The following PRAM1 variants were observed in gnomAD, a reference collection of about 807,000 sequenced individuals.
PRAM1 encodes the protein PML-RARA-regulated adapter molecule 1.
In PRAM1, 41 loss-of-function variants were observed where a neutral mutation model predicts 55.3. The observed-to-expected ratio is 0.74, with a 90% CI of 0.58 to 0.96. The LOEUF is 0.96. Among genes scored for constraint, PRAM1 ranks in the 40% least tolerant of loss-of-function variants. The probability of loss-of-function intolerance (pLI) is 0.00; values close to 1 mark genes in which losing one functional copy is unlikely to be tolerated. For missense variants in PRAM1, 898 were observed against 892.7 expected (o/e 1.01, Z -0.08); for synonymous variants, 401 against 387.1 (o/e 1.04, Z -0.42).
At position 8,496,328 on chromosome 19, in the gene PRAM1, C is replaced by T. The variant is rs192463115; in HGVS notation, c.1576+1436G>A. ...ACTTGGGAGGCTGAGGCAGGAGAAT[C>T]GCTTGAATCCAAGAGGCAGAGGTTG... is the stretch of plus-strand genomic sequence containing the variant. On this transcript the variant is annotated intron_variant, in intron 4 of 9. Coordinates refer to ENST00000423345, the MANE Select transcript of PRAM1 (RefSeq NM_032152.5). Among the ~76,000 whole-genome samples the T allele has an allele frequency of 9.9e-5, 15 of 152,024 alleles. No individual in the cohort carries two copies. The South Asian group carries it at 1.0e-3, about 11-fold the overall frequency.
In PRAM1 at chr19:8,502,633, G is replaced by T. The variant is rs1379073879; in HGVS notation, c.-42C>A. The T allele has an allele frequency of 5.2e-6, 8 of 1,539,382 alleles. No individual in the cohort carries two copies. The highest frequency in any genetic ancestry group is 2.0e-5 in the Admixed American group (1 of 50,354). ...GAGCTGGGGCCGCTGCCTTCAGGAA[G>T]TGACTGTGGCTTCTGCTCCACGGTC... On this transcript the variant is annotated 5_prime_UTR_variant, in exon 1 of 10. Transcript: ENST00000423345.
Position 8,490,289 on chromosome 19 carries a change from C to CCCGGGGAATCG in PRAM1, c.1975+38_1975+48dup. On this transcript the variant is annotated intron_variant, in intron 9 of 9. Transcript: ENST00000423345. The surrounding 1 kb of genome is among the most constrained non-coding windows in gnomAD (Gnocchi z 7.3). ...CAGAAGCCCAATAGTGAGCAGCGCC[C>CCCGGGGAATCG]CCGGGGAATCGCCAGGGTCCCTCCA... The CCCGGGGAATCG allele has an allele frequency of 6.2e-7, 1 of 1,613,826 alleles. No homozygotes were observed. Among genetic ancestry groups the CCCGGGGAATCG allele is most frequent in the Non-Finnish European group, 8.5e-7 (1 of 1,179,818 alleles).
In PRAM1 at chr19:8,498,460, G is replaced by A; in HGVS notation, c.1348C>T (p.Leu450=). ...GGGGGCTTGGCTGGAGGGTGTCCCA[G>A]GCTGCTGGCAGGGGGCAGAGGCCTC... ...RRRPLPPASS[L]GHPPAKPPLP... The change falls in exon 2 of 10, where the codon CTG becomes TTG. Residue 450 remains leucine (L), a synonymous_variant. Coordinates refer to ENST00000423345, the MANE Select transcript of PRAM1 (RefSeq NM_032152.5). 6.3e-7 allele frequency: 1 copy of A among 1,585,672 alleles called. No individual in the cohort carries two copies. The highest frequency in any genetic ancestry group is 8.6e-7 in the Non-Finnish European group (1 of 1,165,868).
rs998430217 is a variant in PRAM1 at position 8,493,256 on chromosome 19, TCC to T, written c.1577-2101_1577-2100del. Among the ~76,000 whole-genome samples, 15 of 152,134 alleles carry T rather than the reference TCC, an allele frequency of 9.9e-5. No homozygotes were observed. The highest frequency in any genetic ancestry group is 9.8e-4 in the Admixed American group (15 of 15,278). On this transcript the variant is annotated intron_variant, in intron 4 of 9. Transcript: ENST00000423345. This position sits in a 1 kb window ranked among gnomAD's most constrained non-coding sequence, Gnocchi z 4.1. ...TGTCCTTTCCGAATGGCTCAAAGTA[TCC>T]CGCCGGACATTTCAGGCCTGTAGTC...
At position 8,498,617 on chromosome 19, in the gene PRAM1, C is replaced by T. The variant is rs771179009; in HGVS notation, c.1191G>A (p.Val397=). The change falls in exon 2 of 10, where the codon GTG becomes GTA. Residue 397 remains valine (V), a synonymous_variant. Transcript: ENST00000423345. The part of the protein sequence containing the change: ...SASESSLPAA[V]AGFSSRHPLS... The stretch of plus-strand genomic sequence containing the variant: ...GCGGGTGCCGGGAGCTGAAGCCGGC[C>T]ACGGCCGCAGGCAGTGAGCTCTCGG... 6.2e-7 allele frequency: 1 copy of T among 1,612,582 alleles called. No homozygotes were observed. Among genetic ancestry groups the T allele is most frequent in the South Asian group, 1.1e-5 (1 of 91,034 alleles).
chr19:8,492,678 C>T (rs1971646370), intron 4 of PRAM1, among the ~76,000 whole-genome samples: 1 of 152,076 alleles, frequency 6.6e-6, no homozygotes, highest in Admixed American at 6.5e-5. Flanking sequence ...TGTTCCATTG[C>T]ACAGGAGGGC....
chr19:8,498,857 G>A lies in PRAM1; in HGVS notation c.951C>T (p.Leu317=), dbSNP rs1158213436. 1 of 1,609,046 alleles carries A rather than the reference G, an allele frequency of 6.2e-7. No individual in the cohort carries two copies. ...GCTCGGGCTGCGGGGGCTTCTTGGAGAGCGCTTTGAATTCGGCCGGCCGCG... is the reference window on the plus strand; with the variant it reads ...GCTCGGGCTGCGGGGGCTTCTTGGAAAGCGCTTTGAATTCGGCCGGCCGCG... ...KRPRPAEFKA[L]SKKPPQPELG... is the part of the protein sequence containing the mutation. Residue 317 remains leucine, a synonymous_variant, in exon 2 of 10, where the codon CTC becomes CTT. Transcript: ENST00000423345.
Position 8,490,356 on chromosome 19 carries a change from C to A in PRAM1, c.1957G>T (p.Asp653Tyr), listed in dbSNP as rs1459822360. The A allele has an allele frequency of 6.2e-7, 1 of 1,614,006 alleles. No individual in the cohort carries two copies. Among genetic ancestry groups the A allele is most frequent in the East Asian group, 2.2e-5 (1 of 44,872 alleles). Reference protein sequence around the residue: ...ALLPLETEVYDDVDFCDPLEN... With the variant: ...ALLPLETEVYYDVDFCDPLEN... ...CACGTACCGCAGAAGTCGACATCATCGTACACCTCCGTCTCCCTGGCAGAG... is the reference window on the plus strand; with the variant it reads ...CACGTACCGCAGAAGTCGACATCATAGTACACCTCCGTCTCCCTGGCAGAG... The change falls in exon 9 of 10, where the codon GAT (aspartate) becomes TAT (tyrosine). Residue 653 changes from aspartate (D) to tyrosine (Y), a missense_variant. Asp to Tyr is a radical substitution (Grantham distance 160). Transcript: ENST00000423345. The surrounding 1 kb of genome is among the most constrained non-coding windows in gnomAD (Gnocchi z 7.3).
Position 8,490,263 on chromosome 19 carries a change from C to T in PRAM1, c.1976-37G>A. 1 of 1,612,166 alleles carries T rather than the reference C, an allele frequency of 6.2e-7. No homozygotes were observed. Among genetic ancestry groups the T allele is most frequent in the Non-Finnish European group, 8.5e-7 (1 of 1,178,956 alleles). On this transcript the variant is annotated intron_variant, in intron 9 of 9. Transcript: ENST00000423345. This position sits in a 1 kb window ranked among gnomAD's most constrained non-coding sequence, Gnocchi z 7.3. Reference sequence around the variant, plus strand: ...GCGTGACTTCCATGGACCCCTCTCCCCAGAAGCCCAATAGTGAGCAGCGCC... The same window carrying T: ...GCGTGACTTCCATGGACCCCTCTCCTCAGAAGCCCAATAGTGAGCAGCGCC...
Position 8,496,154 on chromosome 19 carries a change from G to A in PRAM1, c.1576+1610C>T, listed in dbSNP as rs771531730. 2.0e-5 allele frequency: 9 copies of A among 454,886 alleles called. No homozygotes were observed. In the East Asian group the frequency reaches 2.8e-4, roughly 14 times the overall value. The allele number at this position is 454,886 out of a possible 1,614,324, so 28.2% of individuals were successfully genotyped here. A position where few individuals can be genotyped will look rare whatever the true frequency, so the allele number is the denominator to read the frequency against. On this transcript the variant is annotated intron_variant, in intron 4 of 9. Coordinates refer to ENST00000423345, the MANE Select transcript of PRAM1 (RefSeq NM_032152.5). ...AATCAGGCTGGGCGTGGTGGCTCAC[G>A]CCTGAAATCTCAGCACTTTGGTAGG...
chr19:8,492,720 G>A (rs1301753852), intron 4 of PRAM1, among the ~76,000 whole-genome samples: 3 of 152,176 alleles, frequency 2.0e-5, no homozygotes, highest in Non-Finnish European at 4.4e-5. Context: ...ATCATGGCCA[G>A]GCATGGTGGC....
At position 8,498,647 on chromosome 19, in the gene PRAM1, G is replaced by A. The variant is rs1204744636; in HGVS notation, c.1161C>T (p.Ser387=). The change falls in exon 2 of 10, where the codon TCC becomes TCT. Residue 387 remains serine, a synonymous_variant. Coordinates refer to ENST00000423345, the MANE Select transcript of PRAM1 (RefSeq NM_032152.5). The part of the protein sequence containing the change: ...DLPRKPPLPS[S]ASESSLPAAV... The stretch of plus-strand genomic sequence containing the variant: ...CCGCAGGCAGTGAGCTCTCGGAAGC[G>A]GAGCTGGGGAGTGGAGGCTTTCGAG... 7 of 1,611,496 alleles carry A rather than the reference G, an allele frequency of 4.3e-6. No individual in the cohort carries two copies. Among genetic ancestry groups the A allele is most frequent in the Admixed American group, 1.7e-5 (1 of 59,720 alleles).
At position 8,493,747 on chromosome 19, in the gene PRAM1, A is replaced by G. The variant is rs1004680285; in HGVS notation, c.1577-2590T>C. ...TTTGAGAAGCTGCACCCACAGTGAG[A>G]AGCCCACGCCACTCCTGAGAAGCGG... On this transcript the variant is annotated intron_variant, in intron 4 of 9. Coordinates refer to ENST00000423345, the MANE Select transcript of PRAM1 (RefSeq NM_032152.5). This position sits in a 1 kb window ranked among gnomAD's most constrained non-coding sequence, Gnocchi z 4.1. 2.6e-5 allele frequency among the ~76,000 whole-genome samples: 4 copies of G among 152,072 alleles called. No homozygotes were observed. Among genetic ancestry groups the G allele is most frequent in the African/African-American group, 2.4e-5 (1 of 41,404 alleles).
In PRAM1 at chr19:8,493,829, G is replaced by A. The variant is rs552512295; in HGVS notation, c.1577-2672C>T. ...TCTTTTTTTCTTGAGACAGGGTCTC[G>A]TTCTGTTGCCCAGGCTGGAGTGCAG... On this transcript the variant is annotated intron_variant, in intron 4 of 9. Coordinates refer to ENST00000423345, the MANE Select transcript of PRAM1 (RefSeq NM_032152.5). This position sits in a 1 kb window ranked among gnomAD's most constrained non-coding sequence, Gnocchi z 4.1. Among the ~76,000 whole-genome samples, 6 of 151,578 alleles carry A rather than the reference G, an allele frequency of 4.0e-5. No individual in the cohort carries two copies. Among genetic ancestry groups the A allele is most frequent in the South Asian group, 2.1e-4 (1 of 4,798 alleles).
intron 4 of PRAM1, among the ~76,000 whole-genome samples, chr19:8,492,564 G>A (rs1166169554): frequency 6.6e-6 from 1 of 152,100 alleles, no homozygotes; most frequent in African/African-American, 2.4e-5. Flanking sequence ...GTAGGTTCTG[G>A]GGTTCTACTG....
intron 4 of PRAM1, among the ~76,000 whole-genome samples, chr19:8,492,699 GACAGTAAAATATCATGGCCAGGC>G (rs1477174657): frequency 6.6e-6 from 1 of 152,090 alleles, no homozygotes; most frequent in Non-Finnish European, 1.5e-5. Flanking sequence ...AATGATAGTT[GACAGTAAAATATCATGGCCAGGC>G]ATGGTGGCTC....
At position 8,499,053 on chromosome 19, in the gene PRAM1, G is replaced by A. The variant is rs1284356003; in HGVS notation, c.755C>T (p.Thr252Ile). The A allele has an allele frequency of 2.5e-6, 4 of 1,613,728 alleles. No homozygotes were observed. The highest frequency in any genetic ancestry group is 8.5e-7 in the Non-Finnish European group (1 of 1,179,820). The change falls in exon 2 of 10, where the codon ACT (threonine) becomes ATT (isoleucine). Residue 252 changes from threonine to isoleucine, a missense_variant. Coordinates refer to ENST00000423345, the MANE Select transcript of PRAM1 (RefSeq NM_032152.5). ...PQPEFSEAAQ[T>I]PLWKPQSSEP... is the part of the protein sequence containing the mutation. ...GCTGGACTGAGGCTTCCAGAGGGGA[G>A]TCTGAGCGGCCTCGCTGAACTCAGG...
In PRAM1 at chr19:8,498,274, CG is replaced by C; in HGVS notation, c.1447del (p.Arg483AlafsTer81). ...CTGGAAGTGGAGCCCAGCGGCCGAG[CG>C]GGTCCTCCGTAGATCTGTGGGGTAG... ...SAASIDLRRT[R>X]SAAGLHFQDR... On this transcript the variant is annotated frameshift_variant, in exon 3 of 10. Coordinates refer to ENST00000423345, the MANE Select transcript of PRAM1 (RefSeq NM_032152.5). LOFTEE classifies it high-confidence loss of function. 1 of 1,612,170 alleles carries C rather than the reference CG, an allele frequency of 6.2e-7. No individual in the cohort carries two copies. The highest frequency in any genetic ancestry group is 8.5e-7 in the Non-Finnish European group (1 of 1,179,438).
chr19:8,499,647 T>C lies in PRAM1; in HGVS notation c.161A>G (p.Glu54Gly). 6.2e-7 allele frequency: 1 copy of C among 1,613,548 alleles called. No homozygotes were observed. Among genetic ancestry groups the C allele is most frequent in the Non-Finnish European group, 8.5e-7 (1 of 1,179,786 alleles). ...LKKFSQPELSEHPKKAPLPEF... is the reference protein window; with the variant it reads ...LKKFSQPELSGHPKKAPLPEF... ...AGGCAGCGGGGCCTTCTTGGGGTGC[T>C]CGCTTAGCTCAGGCTGGGAGAACTT... The change falls in exon 2 of 10, where the codon GAG (glutamate) becomes GGG (glycine). Residue 54 changes from glutamate (E) to glycine (G), a missense_variant. Coordinates refer to ENST00000423345, the MANE Select transcript of PRAM1 (RefSeq NM_032152.5).
Sources: allele counts gnomAD v4.1 joint callset (sites outside exome capture counted in the v4.1 genomes callset), GRCh38; gene constraint gnomAD v4.1.1; non-coding constraint Gnocchi (gnomAD v3.1); transcripts MANE v1.5; gene names NCBI Gene and HGNC (gene_info 2026-07-23, HGNC 2026-07-21).